Variants in MGAT4C observed in about 807,000 individuals in gnomAD.
MGAT4C encodes MGAT4 family member C.
A neutral mutation model predicts 40.1 loss-of-function variants in MGAT4C; 19 were observed. The observed-to-expected ratio is 0.47, with a 90% CI of 0.33 to 0.70. MGAT4C has a LOEUF of 0.70. MGAT4C is among the 30% of genes least tolerant of loss of function. The pLI is 0.02. For missense variants in MGAT4C, 491 were observed against 563.2 expected, an observed-to-expected ratio of 0.87 and a Z score of 1.30; for synonymous variants, 181 against 187.1, an observed-to-expected ratio of 0.97 and a Z score of 0.27.
At chr12:86,770,841 C>A (rs1413428886) in intron 1 of MGAT4C, among the ~76,000 whole-genome samples, 4 of 151,904 alleles carry the variant, frequency 2.6e-5, no homozygotes, top group African/African-American at 9.7e-5. Context: ...TTCTAGAAAT[C>A]TTTAGTTATA....
chr12:86,693,173 G>C (rs893728184), intron 2 of MGAT4C, among the ~76,000 whole-genome samples: 1 of 152,200 alleles, frequency 6.6e-6, no homozygotes, highest in African/African-American at 2.4e-5. Flanking sequence ...CCCTCAGCAG[G>C]TGCAGCAGTT....
At chr12:85,985,587 T>C (rs997817867) in intron 3 of MGAT4C, among the ~76,000 whole-genome samples, 5 of 152,146 alleles carry the variant, frequency 3.3e-5, no homozygotes, top group Admixed American at 2.6e-4. Context: ...TGGTTTTGTG[T>C]GGCTTTTACA....
At chr12:86,531,753 T>C (rs1958988994) in intron 2 of MGAT4C, among the ~76,000 whole-genome samples, 1 of 152,050 alleles carries the variant, frequency 6.6e-6, no homozygotes, top group Admixed American at 6.6e-5. Context: ...AACAAAATGC[T>C]CTATTTACTT....
intron 2 of MGAT4C, among the ~76,000 whole-genome samples, chr12:85,991,589 G>A (rs935628316): frequency 4.6e-5 from 7 of 152,094 alleles, no homozygotes; most frequent in South Asian, 2.1e-4. Context: ...TATCCTTCCC[G>A]CACTCGTGGG....
intron 3 of MGAT4C, among the ~76,000 whole-genome samples, chr12:86,426,955 A>G (rs1956937854): frequency 6.6e-6 from 1 of 152,056 alleles, no homozygotes; most frequent in South Asian, 2.1e-4. Flanking sequence ...TCAAAAAAAG[A>G]AAAAGAAGAA....
chr12:86,621,435 G>C (rs116972379), intron 2 of MGAT4C, among the ~76,000 whole-genome samples: 5,302 of 152,182 alleles, frequency 0.035, 137 homozygotes, highest in Non-Finnish European at 0.048. Flanking sequence ...AGTATAGATG[G>C]TTCCTGAATT....
intron 1 of MGAT4C, among the ~76,000 whole-genome samples, chr12:86,769,501 C>T (rs1171770717): frequency 9.2e-5 from 14 of 152,154 alleles, no homozygotes; most frequent in East Asian, 5.8e-4. Context: ...TTGACCCAGC[C>T]ATCCCGTTAT....
At chr12:86,702,718 C>T (rs1950385483) in intron 2 of MGAT4C, among the ~76,000 whole-genome samples, 1 of 152,248 alleles carries the variant, frequency 6.6e-6, no homozygotes. Context: ...TGACAATGTT[C>T]CTGGTCACCC....
intron 2 of MGAT4C, among the ~76,000 whole-genome samples, chr12:86,450,288 AT>A (rs1185670170): frequency 6.6e-6 from 1 of 151,952 alleles, no homozygotes; most frequent in Non-Finnish European, 1.5e-5. Flanking sequence ...CCTCCACATA[AT>A]TTGATTATCT....
chr12:86,669,789 C>A (rs1964207652), intron 2 of MGAT4C, among the ~76,000 whole-genome samples: 1 of 152,228 alleles, frequency 6.6e-6, no homozygotes, highest in Non-Finnish European at 1.5e-5. Flanking sequence ...CAGCAAAGAA[C>A]TGCTTACAGT....
chr12:86,209,857 T>G (rs1255107461), intron 1 of MGAT4C, among the ~76,000 whole-genome samples: 1 of 152,248 alleles, frequency 6.6e-6, no homozygotes, highest in Non-Finnish European at 1.5e-5. Context: ...GAAAGAGTTT[T>G]AATTATTATT....
intron 4 of MGAT4C, among the ~76,000 whole-genome samples, chr12:86,278,243 G>T (rs1161271882): frequency 7.4e-6 from 1 of 135,998 alleles, no homozygotes; most frequent in Non-Finnish European, 1.5e-5. Context: ...TCATGACATG[G>T]TCTTGGCTCA....
At position 85,991,600 on chromosome 12, in the gene MGAT4C, C is replaced by T. The variant is rs112713356; in HGVS notation, c.-6-2048G>A. Among the ~76,000 whole-genome samples, 664 of 152,286 alleles carry T rather than the reference C, an allele frequency of 4.4e-3. 4 individuals are homozygous for T. The highest frequency in any genetic ancestry group is 0.015 in the African/African-American group (620 of 41,568). ...TGGTTATCCTTCCCGCACTCGTGGG[C>T]GCTTAAAGCCTGGAGGGTGCTGAGA... On this transcript the variant is annotated intron_variant, in intron 2 of 4. Coordinates refer to ENST00000611864, the MANE Select transcript of MGAT4C (RefSeq NM_001351288.2).
At chr12:86,396,887 T>C (rs374566546) in intron 3 of MGAT4C, among the ~76,000 whole-genome samples, 1 of 151,526 alleles carries the variant, frequency 6.6e-6, no homozygotes, top group African/African-American at 2.4e-5. Context: ...CCTACCTATT[T>C]TGTATCATTT....
intron 2 of MGAT4C, among the ~76,000 whole-genome samples, chr12:86,485,906 A>G (rs1420203871): frequency 6.6e-6 from 1 of 152,162 alleles, no homozygotes; most frequent in African/African-American, 2.4e-5. Flanking sequence ...AAGCCAGAAG[A>G]CATCGGGGCC....
chr12:86,434,690 T>C (rs755848211), intron 3 of MGAT4C, among the ~76,000 whole-genome samples: 1 of 151,912 alleles, frequency 6.6e-6, no homozygotes, highest in Non-Finnish European at 1.5e-5. Flanking sequence ...CAATTTTAAA[T>C]ATAAAAAGAG....
chr12:86,136,013 A>G (rs1432048486), intron 1 of MGAT4C, among the ~76,000 whole-genome samples: 1 of 152,208 alleles, frequency 6.6e-6, no homozygotes, highest in Non-Finnish European at 1.5e-5. Flanking sequence ...TTTCTTCAGA[A>G]CAACTCAAGA....
chr12:86,724,323 T>G (rs1950787481), intron 2 of MGAT4C, among the ~76,000 whole-genome samples: 1 of 152,226 alleles, frequency 6.6e-6, no homozygotes, highest in Non-Finnish European at 1.5e-5. Flanking sequence ...AATGCTTTAA[T>G]GATGCAATTG....
At chr12:86,561,736 C>T (rs1229031832) in intron 2 of MGAT4C, among the ~76,000 whole-genome samples, 4 of 152,048 alleles carry the variant, frequency 2.6e-5, no homozygotes, top group Non-Finnish European at 5.9e-5. Context: ...CAATAAATTC[C>T]CCTTCATATA....
Sources: gnomAD v4.1 joint callset for allele counts (sites outside exome capture counted in the v4.1 genomes callset) on GRCh38, gnomAD v4.1.1 for gene constraint, MANE v1.5 for transcripts, NCBI Gene and HGNC (gene_info 2026-07-23, HGNC 2026-07-21) for gene names.